PRR5L: variants seen among roughly 807,000 people sequenced by gnomAD.
The protein encoded by PRR5L is proline rich 5 like.
Under a neutral mutation model 36.4 loss-of-function variants are expected in PRR5L, and 21 were observed. That is an observed-to-expected ratio of 0.58 (90% CI 0.41 to 0.83). PRR5L has a LOEUF of 0.83. PRR5L is among the 40% of genes least tolerant of loss of function. The pLI, the probability that PRR5L is intolerant of heterozygous loss-of-function variation, is 0.00. For synonymous variants in PRR5L, 188 were observed against 197.0 expected (o/e 0.95, Z 0.38); for missense variants, 381 against 473.3 (o/e 0.80, Z 1.81).
chr11:36,317,891 C>T (rs1199403934), intron 1 of PRR5L, among the ~76,000 whole-genome samples: 2 of 152,150 alleles, frequency 1.3e-5, no homozygotes, highest in East Asian at 3.8e-4. Context: ...AAGTTATTTA[C>T]ATAGTCTAGA....
chr11:36,322,600 T>A (rs1287246975), intron 1 of PRR5L, among the ~76,000 whole-genome samples: 2 of 152,082 alleles, frequency 1.3e-5, no homozygotes, highest in Non-Finnish European at 1.5e-5. Flanking sequence ...CATCACAGGG[T>A]TGAGTATGTG....
intron 1 of PRR5L, among the ~76,000 whole-genome samples, chr11:36,389,141 A>C (rs934603165): frequency 1.3e-5 from 2 of 151,900 alleles, no homozygotes; most frequent in African/African-American, 2.4e-5. Context: ...CCCATGTTAC[A>C]TAAGCCACTT....
chr11:36,440,536 T>C (rs1425687506), intron 6 of PRR5L, among the ~76,000 whole-genome samples: 49 of 152,068 alleles, frequency 3.2e-4, no homozygotes, highest in Non-Finnish European at 5.9e-5. Flanking sequence ...AGGTATTTCA[T>C]ATGAAGAAAT....
chr11:36,400,227 G>T (rs1857762655), intron 1 of PRR5L, among the ~76,000 whole-genome samples: 1 of 152,222 alleles, frequency 6.6e-6, no homozygotes, highest in African/African-American at 2.4e-5. Context: ...GTGCCTGCTG[G>T]TTGCGAGCTC....
intron 7 of PRR5L, among the ~76,000 whole-genome samples, chr11:36,448,178 T>C (rs1348226281): frequency 6.6e-6 from 1 of 152,112 alleles, no homozygotes; most frequent in Non-Finnish European, 1.5e-5. Flanking sequence ...CAGGTAGCCC[T>C]GCAGCCATAT....
At chr11:36,355,549 T>A (rs1015567753) in intron 1 of PRR5L, among the ~76,000 whole-genome samples, 1 of 121,822 alleles carries the variant, frequency 8.2e-6, no homozygotes, top group African/African-American at 3.5e-5. Flanking sequence ...TTTGCTTTGC[T>A]TTTTTTTTTT....
At chr11:36,418,669 G>A (rs138081041) in intron 3 of PRR5L, among the ~76,000 whole-genome samples, 2,139 of 152,030 alleles carry the variant, frequency 0.014, 46 homozygotes, top group African/African-American at 0.038. Flanking sequence ...GGTGGCGGGC[G>A]CCTGTGGTCC....
In PRR5L at chr11:36,462,533, C is replaced by A; in HGVS notation, c.904C>A (p.Leu302Met). 6.2e-7 allele frequency: 1 copy of A among 1,608,536 alleles called. No homozygotes were observed. The highest frequency in any genetic ancestry group is 1.7e-5 in the Admixed American group (1 of 59,628). Residue 302 changes from leucine (L) to methionine (M), a missense_variant, in exon 9 of 9, where the codon CTG becomes ATG. Physicochemically the swap from Leu to Met is conservative, Grantham distance 15 (BLOSUM62 2). Transcript: ENST00000530639. ...VANAHSDIQL[L>M]AMATMMHSGL... is the part of the protein sequence containing the mutation. ...CAATGCCCACTCGGACATCCAGCTG[C>A]TGGCCATGGCCACCATGATGCACTC...
intron 1 of PRR5L, among the ~76,000 whole-genome samples, chr11:36,370,888 A>AAAAAAC (rs779090715): frequency 4.9e-4 from 75 of 151,674 alleles, no homozygotes; most frequent in South Asian, 8.3e-4. Context: ...CTCAAAAAAA[A>AAAAAAC]AAACAAACAA....
intron 6 of PRR5L, among the ~76,000 whole-genome samples, chr11:36,442,797 G>C (rs889327483): frequency 6.6e-6 from 1 of 152,100 alleles, no homozygotes; most frequent in African/African-American, 2.4e-5. Flanking sequence ...TTCCACTTGA[G>C]ACCACCTCAG....
Position 36,464,169 on chromosome 11 carries a change from C to G in PRR5L, c.*1433C>G, listed in dbSNP as rs747500698. On this transcript the variant is annotated 3_prime_UTR_variant, in exon 9 of 9. Coordinates refer to ENST00000530639, the MANE Select transcript of PRR5L (RefSeq NM_001160167.2). ...TCCCTATCCTCCTCTTTGTAGTTGT[C>G]GGTCTCACTGATAACAGCTCCAGAA... 1 of 152,120 alleles carries G rather than the reference C, an allele frequency of 6.6e-6. No homozygotes were observed. The highest frequency in any genetic ancestry group is 1.5e-5 in the Non-Finnish European group (1 of 68,034). The allele number at this position is 152,120 out of a possible 1,614,324, so 9.4% of individuals were successfully genotyped here. A position where few individuals can be genotyped will look rare whatever the true frequency, so the allele number is the denominator to read the frequency against.
At chr11:36,323,440 G>A (rs1856631776) in intron 1 of PRR5L, 1 of 152,172 alleles carries the variant, frequency 6.6e-6, no homozygotes, top group Non-Finnish European at 1.5e-5. Context: ...CTGTGTGTTG[G>A]TTCCTTCAGC....
chr11:36,401,417 C>G (rs1857793884), intron 2 of PRR5L, 132 bp downstream of exon 2: 1 of 881,710 alleles, frequency 1.1e-6, no homozygotes, highest in Admixed American at 2.9e-5. Context: ...ATGACGAGAG[C>G]AAATTTTCTT....
At chr11:36,353,519 T>A (rs983811126) in intron 1 of PRR5L, among the ~76,000 whole-genome samples, 8 of 152,212 alleles carry the variant, frequency 5.3e-5, no homozygotes, top group African/African-American at 1.9e-4. Flanking sequence ...GAGACAGGAA[T>A]GAACGGGTTG....
chr11:36,394,176 T>G (rs1275933467), intron 1 of PRR5L, among the ~76,000 whole-genome samples: 1 of 152,340 alleles, frequency 6.6e-6, no homozygotes, highest in South Asian at 2.1e-4. Flanking sequence ...TAAGCCCTAC[T>G]TGAGTCATCT....
intron 1 of PRR5L, among the ~76,000 whole-genome samples, chr11:36,331,557 A>T (rs906399247): frequency 1.3e-5 from 2 of 152,246 alleles, no homozygotes; most frequent in Non-Finnish European, 2.9e-5. Context: ...AAAGTAAAAG[A>T]AAAACAAACT....
intron 6 of PRR5L, among the ~76,000 whole-genome samples, chr11:36,440,489 A>ATAAC (rs1394767915): frequency 2.0e-5 from 3 of 152,182 alleles, no homozygotes; most frequent in Admixed American, 1.3e-4. Context: ...GGTGAGTGCT[A>ATAAC]TAACTACCCA....
intron 1 of PRR5L, among the ~76,000 whole-genome samples, chr11:36,328,749 A>C (rs1242212370): frequency 6.6e-6 from 1 of 152,224 alleles, no homozygotes; most frequent in East Asian, 1.9e-4. Flanking sequence ...AGAGGGCATT[A>C]ATGGCTATCA....
At chr11:36,372,030 C>T (rs1857202934) in intron 1 of PRR5L, among the ~76,000 whole-genome samples, 2 of 151,938 alleles carry the variant, frequency 1.3e-5, no homozygotes, top group African/African-American at 4.8e-5. Flanking sequence ...TGCACTCCAG[C>T]CTGGGTGACA....
Sources: gnomAD v4.1 joint callset for allele counts (sites outside exome capture counted in the v4.1 genomes callset) on GRCh38, gnomAD v4.1.1 for gene constraint, MANE v1.5 for transcripts, NCBI Gene and HGNC (gene_info 2026-07-23, HGNC 2026-07-21) for gene names.